The following SCHIP1 variants were observed in gnomAD, a reference collection of about 807,000 sequenced individuals.
The protein encoded by SCHIP1 is schwannomin-interacting protein 1.
SCHIP1 carries 8 observed loss-of-function variants against 29.7 expected under a neutral mutation model. The observed-to-expected ratio is 0.27, with a 90% CI of 0.16 to 0.49. SCHIP1 has a LOEUF of 0.49. Among genes scored for constraint, SCHIP1 ranks in the 20% least tolerant of loss-of-function variants. The pLI, the probability that SCHIP1 is intolerant of heterozygous loss-of-function variation, is 0.99. For missense variants in SCHIP1, 193 were observed against 294.6 expected, an observed-to-expected ratio of 0.66 and a Z score of 2.52; for synonymous variants, 76 against 94.9, an observed-to-expected ratio of 0.80 and a Z score of 1.16.
At chr3:159,442,489 G>A in the SCHIP1 span, among the ~76,000 whole-genome samples, 1 of 152,178 alleles carries the variant, frequency 6.6e-6, no homozygotes, top group Non-Finnish European at 1.5e-5. Flanking sequence ...AATAAGGCTG[G>A]GAAAGGCATC....
exon 1 of SCHIP1, chr3:159,840,017 C>T (rs1214208252): frequency 6.9e-7 from 1 of 1,446,014 alleles, no homozygotes; most frequent in Middle Eastern, 2.5e-4. Context: ...CCGGCACAGG[C>T]AGTGCCACTG....
the SCHIP1 span, among the ~76,000 whole-genome samples, chr3:159,460,980 G>C: frequency 6.6e-6 from 1 of 152,116 alleles, no homozygotes; most frequent in Non-Finnish European, 1.5e-5. Context: ...AAATGCCATG[G>C]ACCTTTCACA....
chr3:159,846,595 G>T (rs1711872762), intron 1 of SCHIP1, among the ~76,000 whole-genome samples: 1 of 152,164 alleles, frequency 6.6e-6, no homozygotes, highest in African/African-American at 2.4e-5. Flanking sequence ...CAGGGAAAAA[G>T]ATATTAGAAT....
the SCHIP1 span, among the ~76,000 whole-genome samples, chr3:159,788,215 A>C: frequency 6.6e-6 from 1 of 152,144 alleles, no homozygotes; most frequent in Non-Finnish European, 1.5e-5. Context: ...CACCTTCTTT[A>C]GATTAAGGTA....
chr3:159,661,303 A>C, the SCHIP1 span, among the ~76,000 whole-genome samples: 2 of 152,108 alleles, frequency 1.3e-5, no homozygotes, highest in Admixed American at 1.3e-4. Context: ...TTTTAGAGGC[A>C]TTTTCCATGT....
the SCHIP1 span, among the ~76,000 whole-genome samples, chr3:159,710,067 ATC>A: frequency 6.6e-6 from 1 of 152,228 alleles, no homozygotes; most frequent in Non-Finnish European, 1.5e-5. Flanking sequence ...TTACCATATG[ATC>A]CAGCAATCTC....
the SCHIP1 span, among the ~76,000 whole-genome samples, chr3:159,479,052 G>A: frequency 2.0e-4 from 31 of 152,036 alleles, no homozygotes; most frequent in African/African-American, 7.2e-4. Context: ...CTTTTCTCTT[G>A]CCTAATATGC....
chr3:159,475,781 C>T, the SCHIP1 span, among the ~76,000 whole-genome samples: 1 of 152,070 alleles, frequency 6.6e-6, no homozygotes, highest in Non-Finnish European at 1.5e-5. Context: ...CTTCCATTAG[C>T]TAGGAGTCAC....
In SCHIP1 at chr3:159,878,650, C is replaced by T. The variant is rs1234403690; in HGVS notation, c.150-7557C>T. ...AAAATTAGCCGGGCGTAGTGGCGGG[C>T]GCCTGTAGTCCCAGCTACTTGGGAG... On this transcript the variant is annotated intron_variant, in intron 2 of 6. Transcript: ENST00000445224. Among the ~76,000 whole-genome samples the T allele has an allele frequency of 1.6e-4, 22 of 141,864 alleles. 1 individual carries two copies. In the East Asian group the frequency reaches 3.8e-3, roughly 24 times the overall value. 93.1% of individuals were successfully genotyped at this position (141,864 alleles called of 152,430 possible). A position where few individuals can be genotyped will look rare whatever the true frequency, so the allele number is the denominator to read the frequency against.
the SCHIP1 span, among the ~76,000 whole-genome samples, chr3:159,315,449 C>T: frequency 3.4e-5 from 5 of 147,430 alleles, no homozygotes; most frequent in South Asian, 2.1e-4. Flanking sequence ...AGGATGGTCT[C>T]GATCTCCTGA....
chr3:159,543,782 T>G, the SCHIP1 span, among the ~76,000 whole-genome samples: 52 of 152,212 alleles, frequency 3.4e-4, no homozygotes, highest in East Asian at 1.9e-3. Context: ...AGATCCCTGA[T>G]GAATCGCCAC....
the SCHIP1 span, among the ~76,000 whole-genome samples, chr3:159,666,517 T>C: frequency 1.7e-4 from 26 of 152,306 alleles, no homozygotes; most frequent in African/African-American, 6.0e-4. Flanking sequence ...GGTTTATAGT[T>C]ATATTTATAT....
At chr3:159,398,328 A>G in the SCHIP1 span, among the ~76,000 whole-genome samples, 1 of 151,996 alleles carries the variant, frequency 6.6e-6, no homozygotes, top group Non-Finnish European at 1.5e-5. Flanking sequence ...AGCTGTTCCT[A>G]TTCGGCCATC....
At chr3:159,352,806 T>G in the SCHIP1 span, among the ~76,000 whole-genome samples, 2 of 151,296 alleles carry the variant, frequency 1.3e-5, no homozygotes, top group Admixed American at 6.6e-5. Context: ...TTGGGAAAAA[T>G]TAGCCCTCTA....
the SCHIP1 span, among the ~76,000 whole-genome samples, chr3:159,331,598 C>G: frequency 6.6e-6 from 1 of 152,134 alleles, no homozygotes; most frequent in South Asian, 2.1e-4. Flanking sequence ...TTGATCCAGG[C>G]AGGAACCCCT....
the SCHIP1 span, among the ~76,000 whole-genome samples, chr3:159,353,719 C>G: frequency 6.6e-6 from 1 of 152,058 alleles, no homozygotes; most frequent in African/African-American, 2.4e-5. Context: ...AGCTTAAGTA[C>G]AGGTATTTTA....
At chr3:159,304,957 C>T in the SCHIP1 span, among the ~76,000 whole-genome samples, 13 of 152,198 alleles carry the variant, frequency 8.5e-5, no homozygotes, top group Non-Finnish European at 1.6e-4. Flanking sequence ...CTCTCTCAAA[C>T]CCCGATCCCT....
chr3:159,464,705 TA>T, the SCHIP1 span, among the ~76,000 whole-genome samples: 6 of 152,174 alleles, frequency 3.9e-5, no homozygotes, highest in African/African-American at 1.4e-4. Context: ...GCTGTGCTAT[TA>T]CCCACGGAGC....
At chr3:159,697,336 T>C in the SCHIP1 span, among the ~76,000 whole-genome samples, 1 of 152,174 alleles carries the variant, frequency 6.6e-6, no homozygotes, top group Non-Finnish European at 1.5e-5. Context: ...CTGGGAATTT[T>C]TGGATGGAGA....
Sources: allele counts gnomAD v4.1 joint callset (sites outside exome capture counted in the v4.1 genomes callset), GRCh38; gene constraint gnomAD v4.1.1; transcripts MANE v1.5; gene names NCBI Gene and HGNC (gene_info 2026-07-23, HGNC 2026-07-21).